TMEM232: variants seen among roughly 807,000 people sequenced by gnomAD.
The protein encoded by TMEM232 is transmembrane protein 232.
Under a neutral mutation model 78.8 loss-of-function variants are expected in TMEM232, and 80 were observed. That is an observed-to-expected ratio of 1.01 (90% confidence interval 0.85 to 1.22). TMEM232 has a LOEUF of 1.22. Ranked by LOEUF, TMEM232 falls within the 50% of genes most tolerant of loss-of-function variation. The pLI is 0.00. For missense variants in TMEM232, 881 were observed against 742.2 expected, an observed-to-expected ratio of 1.19 and a Z score of -2.17; for synonymous variants, 297 against 254.3, an observed-to-expected ratio of 1.17 and a Z score of -1.60.
intron 12 of TMEM232, among the ~76,000 whole-genome samples, chr5:110,453,704 A>T (rs924812821): frequency 6.6e-6 from 1 of 152,198 alleles, no homozygotes; most frequent in African/African-American, 2.4e-5. Context: ...AGCCCTGACT[A>T]TGCTGCAGAC....
chr5:110,396,936 G>A (rs1005011610), intron 3 of TMEM232, among the ~76,000 whole-genome samples: 13 of 152,066 alleles, frequency 8.5e-5, no homozygotes, highest in African/African-American at 2.4e-4. Flanking sequence ...CTCGTAACTC[G>A]AAAAAGTGGC....
chr5:110,598,767 A>T (rs1304433684), intron 10 of TMEM232, among the ~76,000 whole-genome samples: 5 of 150,196 alleles, frequency 3.3e-5, no homozygotes, highest in African/African-American at 1.2e-4. Flanking sequence ...AAGGACAAAA[A>T]ACCAAACACC....
intron 12 of TMEM232, among the ~76,000 whole-genome samples, chr5:110,452,302 TG>T (rs1760390401): frequency 1.3e-5 from 2 of 152,202 alleles, no homozygotes; most frequent in Non-Finnish European, 2.9e-5. Flanking sequence ...TCTACCTGGT[TG>T]GTTAATCCGT....
At chr5:110,496,264 C>T (rs1363920103) in intron 12 of TMEM232, among the ~76,000 whole-genome samples, 2 of 151,838 alleles carry the variant, frequency 1.3e-5, no homozygotes, top group African/African-American at 2.4e-5. Context: ...TTAAAATGAT[C>T]GTTAATGCAG....
intron 12 of TMEM232, among the ~76,000 whole-genome samples, chr5:110,473,715 G>A (rs1762926165): frequency 6.6e-6 from 1 of 150,562 alleles, no homozygotes; most frequent in African/African-American, 2.4e-5. Flanking sequence ...ATTCACCATA[G>A]CTGAGATATA....
intron 1 of TMEM232, among the ~76,000 whole-genome samples, chr5:110,695,715 A>G (rs1794689211): frequency 6.6e-6 from 1 of 152,232 alleles, no homozygotes; most frequent in Admixed American, 6.5e-5. Context: ...AAATGGATAA[A>G]TTCCTCGACA....
At chr5:110,585,318 G>A (rs1195350321) in intron 10 of TMEM232, among the ~76,000 whole-genome samples, 1 of 152,118 alleles carries the variant, frequency 6.6e-6, no homozygotes, top group African/African-American at 2.4e-5. Flanking sequence ...AAATCTTCTA[G>A]AGAAGAGTAG....
At chr5:110,587,691 ATGTGTG>A (rs147127408) in intron 10 of TMEM232, among the ~76,000 whole-genome samples, 1,263 of 62,666 alleles carry the variant, frequency 0.02, 19 homozygotes, top group African/African-American at 0.076. Flanking sequence ...ATATATATAT[ATGTGTG>A]TGTGTGTGTG....
At chr5:110,475,605 T>C (rs761053137) in intron 12 of TMEM232, among the ~76,000 whole-genome samples, 3 of 149,846 alleles carry the variant, frequency 2.0e-5, no homozygotes, top group Non-Finnish European at 2.9e-5. Context: ...TAGGAGAATC[T>C]AGATGGAGCT....
At chr5:110,441,815 ACC>A (rs1759074330) in intron 12 of TMEM232, among the ~76,000 whole-genome samples, 1 of 151,998 alleles carries the variant, frequency 6.6e-6, no homozygotes, top group South Asian at 2.1e-4. Context: ...CTAAATAACC[ACC>A]CCAGTTTTAC....
At chr5:110,682,006 G>T (rs952821681) in intron 1 of TMEM232, among the ~76,000 whole-genome samples, 2 of 151,866 alleles carry the variant, frequency 1.3e-5, no homozygotes, top group Non-Finnish European at 2.9e-5. Flanking sequence ...ATAAAATGAG[G>T]CTAAAAATTT....
chr5:110,603,496 G>A (rs145091942), intron 10 of TMEM232, among the ~76,000 whole-genome samples: 39 of 152,152 alleles, frequency 2.6e-4, no homozygotes, highest in East Asian at 1.4e-3. Context: ...CACTAGAAGT[G>A]AGGAAAAACT....
At chr5:110,445,503 G>A (rs1434794181) in intron 12 of TMEM232, among the ~76,000 whole-genome samples, 1 of 152,154 alleles carries the variant, frequency 6.6e-6, no homozygotes, top group Non-Finnish European at 1.5e-5. Flanking sequence ...TCTGGGGCAT[G>A]TTGAATAATG....
At chr5:110,533,206 G>C (rs1581115282) in intron 11 of TMEM232, among the ~76,000 whole-genome samples, 1 of 152,164 alleles carries the variant, frequency 6.6e-6, no homozygotes. Flanking sequence ...ACTGCCGCAA[G>C]GCTTCACAGA....
chr5:110,472,538 GA>G (rs1225854104), intron 12 of TMEM232, among the ~76,000 whole-genome samples: 1 of 151,544 alleles, frequency 6.6e-6, no homozygotes, highest in Non-Finnish European at 1.5e-5. Context: ...TACAGAAATA[GA>G]AAAAATAGGG....
At chr5:110,504,295 T>A (rs1766613448) in intron 12 of TMEM232, among the ~76,000 whole-genome samples, 1 of 152,202 alleles carries the variant, frequency 6.6e-6, no homozygotes, top group South Asian at 2.1e-4. Context: ...TTAATATAGC[T>A]ACTTGAGCAG....
chr5:110,499,120 T>C (rs1298386387), intron 12 of TMEM232, among the ~76,000 whole-genome samples: 1 of 152,034 alleles, frequency 6.6e-6, no homozygotes, highest in Non-Finnish European at 1.5e-5. Flanking sequence ...AAACATTTCA[T>C]TAATGCAAAA....
intron 10 of TMEM232, among the ~76,000 whole-genome samples, chr5:110,590,868 A>G (rs1199624727): frequency 6.6e-6 from 1 of 152,140 alleles, no homozygotes; most frequent in South Asian, 2.1e-4. Flanking sequence ...AGAGCAAAGA[A>G]GAAACTTCCA....
chr5:110,460,045 G>GTGATCCTGGAC (rs1761327612), intron 12 of TMEM232, among the ~76,000 whole-genome samples: 1 of 152,128 alleles, frequency 6.6e-6, no homozygotes, highest in South Asian at 2.1e-4. Flanking sequence ...ATTGCAGTGT[G>GTGATCCTGGAC]TGATCCTGGA....
Sources: gnomAD v4.1 joint callset for allele counts (sites outside exome capture counted in the v4.1 genomes callset) on GRCh38, gnomAD v4.1.1 for gene constraint, MANE v1.5 for transcripts, NCBI Gene and HGNC (gene_info 2026-07-23, HGNC 2026-07-21) for gene names.